EYS: variants seen among roughly 807,000 people sequenced by gnomAD.
The protein encoded by EYS is protein eyes shut homolog.
In EYS, 250 loss-of-function variants were observed where a neutral mutation model predicts 282.1. The observed-to-expected ratio is 0.89, with a 90% CI of 0.80 to 0.98. EYS has a LOEUF of 0.98. Among genes scored for constraint, EYS ranks in the 50% least tolerant of loss-of-function variants. The pLI is 0.00. For synonymous variants in EYS, 1,355 were observed against 1,282.9 expected (o/e 1.06, Z -1.20); for missense variants, 4,016 against 3,709.0 (o/e 1.08, Z -2.15).
At chr6:64,744,078 A>C (rs1168992827) in intron 22 of EYS, among the ~76,000 whole-genome samples, 2 of 152,262 alleles carry the variant, frequency 1.3e-5, no homozygotes, top group Admixed American at 1.3e-4. Flanking sequence ...CTTAATTGGC[A>C]ATCTTGGCCT....
intron 26 of EYS, among the ~76,000 whole-genome samples, chr6:64,528,382 A>G (rs554629403): frequency 6.6e-6 from 1 of 151,796 alleles, no homozygotes; most frequent in Non-Finnish European, 1.5e-5. Flanking sequence ...TATGGCTCTC[A>G]ATTCCAGGGT....
chr6:64,985,485 T>C (rs573840499), intron 14 of EYS, among the ~76,000 whole-genome samples: 1 of 151,682 alleles, frequency 6.6e-6, no homozygotes, highest in South Asian at 2.1e-4. Context: ...TCTAAGCTGC[T>C]CTAGAAGAAT....
chr6:63,873,091 G>A (rs575170764), intron 35 of EYS, among the ~76,000 whole-genome samples: 1 of 152,126 alleles, frequency 6.6e-6, no homozygotes, highest in African/African-American at 2.4e-5. Context: ...CCATGTTGGT[G>A]TGCTGCACCC....
At chr6:65,427,829 A>G (rs1767721146) in intron 5 of EYS, among the ~76,000 whole-genome samples, 1 of 152,110 alleles carries the variant, frequency 6.6e-6, no homozygotes. Context: ...GATATAATTC[A>G]TGACATACTA....
rs70999172 is a variant in EYS at position 64,766,649 on chromosome 6, AATATATATAT to A, written c.3443+46719_3443+46728del. 5.4e-3 allele frequency among the ~76,000 whole-genome samples: 103 copies of A among 18,992 alleles called. 1 individual carries two copies. Among genetic ancestry groups the A allele is most frequent in the East Asian group, 0.033 (27 of 814 alleles). 12.5% of individuals were successfully genotyped at this position (18,992 alleles called of 152,430 possible). A position where few individuals can be genotyped will look rare whatever the true frequency, so the allele number is the denominator to read the frequency against. Reference sequence around the variant, plus strand: ...TCCGTCTCAAAAAAAAAAAAAAAAAAATATATATATATATATATATATATATATATATATA... The same window carrying A: ...TCCGTCTCAAAAAAAAAAAAAAAAAAATATATATATATATATATATATATA... On this transcript the variant is annotated intron_variant, in intron 22 of 42. Coordinates refer to ENST00000503581, the MANE Select transcript of EYS (RefSeq NM_001142800.2).
chr6:64,004,362 T>C (rs1369043513), intron 33 of EYS, among the ~76,000 whole-genome samples: 1 of 152,182 alleles, frequency 6.6e-6, no homozygotes, highest in Non-Finnish European at 1.5e-5. Flanking sequence ...TATTTTAATA[T>C]ACTTTCTTAT....
At chr6:64,714,062 A>T (rs1422155438) in intron 22 of EYS, among the ~76,000 whole-genome samples, 1 of 152,212 alleles carries the variant, frequency 6.6e-6, no homozygotes, top group African/African-American at 2.4e-5. Flanking sequence ...GTATTTTAGA[A>T]GATGAATTTG....
chr6:64,012,766 T>C (rs1457053540), intron 33 of EYS, among the ~76,000 whole-genome samples: 1 of 152,098 alleles, frequency 6.6e-6, no homozygotes, highest in African/African-American at 2.4e-5. Flanking sequence ...CAGCACAAAA[T>C]AAATGTTAAA....
At chr6:63,733,786 A>T (rs926953833) in intron 41 of EYS, among the ~76,000 whole-genome samples, 4 of 152,064 alleles carry the variant, frequency 2.6e-5, no homozygotes, top group African/African-American at 9.7e-5. Context: ...GAGGTTAGAG[A>T]TCCAAATATT....
chr6:63,905,191 A>G (rs1562088997), intron 35 of EYS, among the ~76,000 whole-genome samples: 1 of 152,136 alleles, frequency 6.6e-6, no homozygotes, highest in Non-Finnish European at 1.5e-5. Context: ...CTCACTTAGC[A>G]TGTTTTCAAG....
intron 12 of EYS, among the ~76,000 whole-genome samples, chr6:65,067,934 A>C (rs1203281397): frequency 6.6e-6 from 1 of 152,148 alleles, no homozygotes; most frequent in Non-Finnish European, 1.5e-5. Flanking sequence ...TATTAATTCT[A>C]TCACATGCTA....
At chr6:65,369,013 C>T (rs1190420100) in intron 8 of EYS, among the ~76,000 whole-genome samples, 2 of 151,156 alleles carry the variant, frequency 1.3e-5, no homozygotes, top group African/African-American at 2.4e-5. Flanking sequence ...CATCTGGGAT[C>T]CTACCTCTTT....
intron 12 of EYS, among the ~76,000 whole-genome samples, chr6:65,061,565 G>A (rs549201004): frequency 7.9e-5 from 12 of 151,808 alleles, no homozygotes; most frequent in African/African-American, 2.2e-4. Flanking sequence ...TTTAAAATAA[G>A]TTTCATGTGT....
chr6:65,354,564 C>T (rs998776598), intron 8 of EYS, among the ~76,000 whole-genome samples: 3 of 152,050 alleles, frequency 2.0e-5, no homozygotes, highest in Admixed American at 6.6e-5. Flanking sequence ...GCCTGTAATC[C>T]TAGCACTTTG....
At chr6:64,460,658 C>T (rs1288630925) in intron 26 of EYS, among the ~76,000 whole-genome samples, 1 of 152,142 alleles carries the variant, frequency 6.6e-6, no homozygotes, top group Non-Finnish European at 1.5e-5. Context: ...TATCACTTTG[C>T]TTCAGAAATG....
At chr6:65,485,961 G>T (rs1194952546) in intron 5 of EYS, among the ~76,000 whole-genome samples, 1 of 152,264 alleles carries the variant, frequency 6.6e-6, no homozygotes, top group African/African-American at 2.4e-5. Flanking sequence ...GACAATATTG[G>T]TAGTGCCATT....
intron 22 of EYS, among the ~76,000 whole-genome samples, chr6:64,678,917 G>A (rs1316957168): frequency 1.3e-5 from 2 of 151,132 alleles, no homozygotes; most frequent in Non-Finnish European, 2.9e-5. Context: ...AACCTGGGAG[G>A]CAGAGGTTGC....
intron 8 of EYS, among the ~76,000 whole-genome samples, chr6:65,376,950 T>C (rs527868314): frequency 1.3e-5 from 2 of 152,220 alleles, no homozygotes; most frequent in East Asian, 3.9e-4. Flanking sequence ...CCACTGTCAA[T>C]ATTAGACAGA....
At chr6:65,605,745 A>G (rs1292805374) in intron 2 of EYS, among the ~76,000 whole-genome samples, 1 of 151,894 alleles carries the variant, frequency 6.6e-6, no homozygotes, top group Non-Finnish European at 1.5e-5. Flanking sequence ...GGACATAAAA[A>G]GATAGCCACA....
Sources: gnomAD v4.1 joint callset for allele counts (sites outside exome capture counted in the v4.1 genomes callset) on GRCh38, gnomAD v4.1.1 for gene constraint, MANE v1.5 for transcripts, NCBI Gene and HGNC (gene_info 2026-07-23, HGNC 2026-07-21) for gene names.